JAKMIP1: variants seen among roughly 807,000 people sequenced by gnomAD.
JAKMIP1 encodes the protein janus kinase and microtubule interacting protein 1.
JAKMIP1 carries 33 observed loss-of-function variants against 113.0 expected under a neutral mutation model. The ratio of observed to expected loss-of-function variants is 0.29; its 90% CI spans 0.22 to 0.39. JAKMIP1 has a LOEUF of 0.39. Among genes scored for constraint, JAKMIP1 ranks in the 10% least tolerant of loss-of-function variants. JAKMIP1 has a pLI of 1.00. For synonymous variants in JAKMIP1, 480 were observed against 459.9 expected (o/e 1.04, Z -0.56); for missense variants, 813 against 1,080.5 (o/e 0.75, Z 3.47).
intron 8 of JAKMIP1, among the ~76,000 whole-genome samples, chr4:6,074,884 C>A (rs2108809886): frequency 6.6e-6 from 1 of 152,370 alleles, no homozygotes; most frequent in East Asian, 1.9e-4. Flanking sequence ...GCGGCACAGG[C>A]TTGCAGCCCA....
At chr4:6,105,427 G>A (rs1489945515) in intron 3 of JAKMIP1, 46 bp downstream of exon 3, 2 of 1,522,450 alleles carry the variant, frequency 1.3e-6, no homozygotes, top group South Asian at 1.3e-5. Flanking sequence ...TGCGTGCAGG[G>A]AGGGAAGGCC....
intron 1 of JAKMIP1, among the ~76,000 whole-genome samples, chr4:6,175,500 C>A (rs144279105): frequency 6.6e-6 from 1 of 152,178 alleles, no homozygotes; most frequent in Non-Finnish European, 1.5e-5. Context: ...GCAATACTGA[C>A]GAGAAGTCAG....
Position 6,068,320 on chromosome 4 carries a change from A to G in JAKMIP1, c.1303-3312T>C, listed in dbSNP as rs148146862. ...CAGACCCAGTGGAGCCCCCGACAGT[A>G]TCATATCATATGGCCCCAGAGACCA... is the stretch of plus-strand genomic sequence containing the variant. On this transcript the variant is annotated intron_variant, in intron 8 of 20. Coordinates refer to ENST00000409021, the MANE Select transcript of JAKMIP1 (RefSeq NM_001099433.2). Among the ~76,000 whole-genome samples the G allele has an allele frequency of 2.8e-3, 430 of 152,318 alleles. 3 individuals carry two copies. Among genetic ancestry groups the G allele is most frequent in the African/African-American group, 9.9e-3 (413 of 41,578 alleles).
In JAKMIP1 at chr4:6,078,935, T is replaced by C. The variant is rs1190476849; in HGVS notation, c.1302+4A>G. ...GTAGGGCAGGTGCACCATCGCAGGC[T>C]CACCTTGGGCGGTTTCAGACTTTTC... On this transcript the variant is annotated splice_donor_region_variant and intron_variant, in intron 8 of 20. Transcript: ENST00000409021. The C allele has an allele frequency of 3.1e-6, 5 of 1,614,072 alleles. No homozygotes were observed.
rs548150561 is a variant in JAKMIP1 at position 6,060,301 on chromosome 4, C to T, written c.1644+123G>A. 1.9e-4 allele frequency: 145 copies of T among 748,360 alleles called. 3 individuals are homozygous for T. Among genetic ancestry groups the T allele is most frequent in the South Asian group, 1.9e-3 (128 of 66,544 alleles). 46.4% of individuals were successfully genotyped at this position (748,360 alleles called of 1,614,324 possible). A position where few individuals can be genotyped will look rare whatever the true frequency, so the allele number is the denominator to read the frequency against. ...GTTCTGCTAGTGTTTTTTCCTCTAG[C>T]GTCTCTGGAGCTCCTGATCCAGCCC... On this transcript the variant is annotated intron_variant, in intron 11 of 20. Transcript: ENST00000409021.
Position 6,183,217 on chromosome 4 carries a change from G to A in JAKMIP1, c.-148+17036C>T, listed in dbSNP as rs1290174292. Among the ~76,000 whole-genome samples the A allele has an allele frequency of 2.6e-5, 4 of 152,154 alleles. No homozygotes were observed. Among genetic ancestry groups the A allele is most frequent in the East Asian group, 1.9e-4 (1 of 5,194 alleles). ...AACAGGGCCAGGTGCAGTGGCTCAC[G>A]CCTGTAATTCCAGCACTTTGGGAGG... On this transcript the variant is annotated intron_variant, in intron 1 of 20. Transcript: ENST00000409021. This position sits in a 1 kb window ranked among gnomAD's most constrained non-coding sequence, Gnocchi z 5.3.
At chr4:6,117,703 G>C (rs1191129339) in intron 1 of JAKMIP1, among the ~76,000 whole-genome samples, 1 of 151,742 alleles carries the variant, frequency 6.6e-6, no homozygotes, top group Non-Finnish European at 1.5e-5. Context: ...CTGCAATCTT[G>C]ACCATAAGAG....
In JAKMIP1 at chr4:6,088,852, G is replaced by A. The variant is rs528297455; in HGVS notation, c.625-3223C>T. ...TGGAACATCCCTCAGCTTCCTTCCC[G>A]CATCCATTTCCCCTTCTCCCATACG... On this transcript the variant is annotated intron_variant, in intron 3 of 20. Transcript: ENST00000409021. This position sits in a 1 kb window ranked among gnomAD's most constrained non-coding sequence, Gnocchi z 5.5. 5.9e-5 allele frequency among the ~76,000 whole-genome samples: 9 copies of A among 152,168 alleles called. No homozygotes were observed. In the Middle Eastern group the frequency reaches 0.01, roughly 173 times the overall value.
chr4:6,180,579 C>T lies in JAKMIP1; in HGVS notation c.-148+19674G>A, dbSNP rs907489333. On this transcript the variant is annotated intron_variant, in intron 1 of 20. Transcript: ENST00000409021. The surrounding 1 kb of genome is among the most constrained non-coding windows in gnomAD (Gnocchi z 4.5). ...AATAAGTCACCATTTATATAGCTCT[C>T]ACTGTGTAGCAGGAACTGTTTCAAA... 6.6e-6 allele frequency among the ~76,000 whole-genome samples: 1 copy of T among 152,174 alleles called. No individual in the cohort carries two copies. The highest frequency in any genetic ancestry group is 1.5e-5 in the Non-Finnish European group (1 of 68,042).
intron 3 of JAKMIP1, among the ~76,000 whole-genome samples, chr4:6,095,954 T>C (rs566665107): frequency 2.0e-5 from 3 of 152,150 alleles, no homozygotes; most frequent in Admixed American, 2.0e-4. Flanking sequence ...GTGGCAAGGA[T>C]GGGAAAAGGT....
At chr4:6,073,761 T>A (rs994809282) in intron 8 of JAKMIP1, among the ~76,000 whole-genome samples, 7 of 152,228 alleles carry the variant, frequency 4.6e-5, no homozygotes, top group African/African-American at 1.7e-4. Flanking sequence ...ATCCAGCTAG[T>A]AGCTAGGGTC....
Position 6,060,410 on chromosome 4 carries a change from T to A in JAKMIP1, c.1644+14A>T, listed in dbSNP as rs749652572. The stretch of plus-strand genomic sequence containing the variant: ...AAGGCTAAGATTCACAGAGCACAGA[T>A]CACTCCTGCTCACCTGTCCCTTCTC... On this transcript the variant is annotated intron_variant, in intron 11 of 20. Coordinates refer to ENST00000409021, the MANE Select transcript of JAKMIP1 (RefSeq NM_001099433.2). 74 of 1,596,634 alleles carry A rather than the reference T, an allele frequency of 4.6e-5. No homozygotes were observed. Among genetic ancestry groups the A allele is most frequent in the Non-Finnish European group, 5.8e-5 (68 of 1,164,044 alleles).
intron 3 of JAKMIP1, among the ~76,000 whole-genome samples, chr4:6,092,197 A>G (rs1308969767): frequency 6.6e-6 from 1 of 151,900 alleles, no homozygotes; most frequent in Non-Finnish European, 1.5e-5. Flanking sequence ...CCTGAAGAGC[A>G]CACTCCAGGT....
rs1311168741 is a variant in JAKMIP1 at position 6,042,367 on chromosome 4, C to T, written c.2029-140G>A. The T allele has an allele frequency of 1.3e-5, 9 of 683,542 alleles. No homozygotes were observed. The South Asian group carries it at 1.4e-4, about 10-fold the overall frequency. The allele number at this position is 683,542 out of a possible 1,614,324, so 42.3% of individuals were successfully genotyped here. A position where few individuals can be genotyped will look rare whatever the true frequency, so the allele number is the denominator to read the frequency against. On this transcript the variant is annotated intron_variant, in intron 16 of 20. Coordinates refer to ENST00000409021, the MANE Select transcript of JAKMIP1 (RefSeq NM_001099433.2). The surrounding 1 kb of genome is among the most constrained non-coding windows in gnomAD (Gnocchi z 5.2). ...GGAATGGGTCAGGTCATGGCACACA[C>T]ATGCCTGATCTGTGGATGGCGTGGT...
chr4:6,102,221 T>G (rs1378308584), intron 3 of JAKMIP1, among the ~76,000 whole-genome samples: 1 of 152,230 alleles, frequency 6.6e-6, no homozygotes, highest in East Asian at 1.9e-4. Context: ...TTTGTGTGTA[T>G]GTACCTTGTA....
chr4:6,117,259 G>A (rs947532711), intron 1 of JAKMIP1, among the ~76,000 whole-genome samples: 8 of 152,144 alleles, frequency 5.3e-5, no homozygotes, highest in African/African-American at 1.7e-4. Flanking sequence ...TTTTCTAAGC[G>A]TCGACTGGCT....
At chr4:6,172,808 C>G (rs1724893752) in intron 1 of JAKMIP1, among the ~76,000 whole-genome samples, 1 of 152,178 alleles carries the variant, frequency 6.6e-6, no homozygotes, top group East Asian at 1.9e-4. Context: ...CCCACCCTGC[C>G]CCCGTGATCA....
intron 1 of JAKMIP1, among the ~76,000 whole-genome samples, chr4:6,114,621 C>T (rs79445153): frequency 0.026 from 3,953 of 152,304 alleles, 119 homozygotes; most frequent in African/African-American, 0.072. Flanking sequence ...TCCTCCTGAA[C>T]AGGAGAGAGG....
At chr4:6,038,685 C>T (rs1193454110) in intron 18 of JAKMIP1, among the ~76,000 whole-genome samples, 1 of 152,216 alleles carries the variant, frequency 6.6e-6, no homozygotes, top group African/African-American at 2.4e-5. Context: ...CTCTACCCAC[C>T]CCAACAGTTG....
Sources: allele counts gnomAD v4.1 joint callset (sites outside exome capture counted in the v4.1 genomes callset), GRCh38; gene constraint gnomAD v4.1.1; non-coding constraint Gnocchi (gnomAD v3.1); transcripts MANE v1.5; gene names NCBI Gene and HGNC (gene_info 2026-07-23, HGNC 2026-07-21).